The following SGK3 variants were observed in gnomAD, a reference collection of about 807,000 sequenced individuals.
The protein encoded by SGK3 is serum/glucocorticoid regulated kinase family member 3.
Under a neutral mutation model 68.5 loss-of-function variants are expected in SGK3, and 47 were observed. The ratio of observed to expected loss-of-function variants is 0.69; its 90% CI spans 0.54 to 0.87. The LOEUF (loss-of-function observed/expected upper bound fraction) is 0.87, where lower values mean the gene tolerates loss of function less well. Ranked by LOEUF, SGK3 falls within the 40% of genes least tolerant of loss-of-function variation. SGK3 has a pLI of 0.00. For synonymous variants in SGK3, 181 were observed against 189.1 expected, an observed-to-expected ratio of 0.96 and a Z score of 0.35; for missense variants, 479 against 575.5, an observed-to-expected ratio of 0.83 and a Z score of 1.72.
At chr8:66,838,440 G>GT (rs1285281429) in intron 10 of SGK3, among the ~76,000 whole-genome samples, 1 of 152,156 alleles carries the variant, frequency 6.6e-6, no homozygotes, top group African/African-American at 2.4e-5. Flanking sequence ...CGGTGTTCTA[G>GT]TAAGTGTCAG....
At chr8:66,817,944 G>GA (rs1242089623) in intron 5 of SGK3, among the ~76,000 whole-genome samples, 4 of 151,262 alleles carry the variant, frequency 2.6e-5, no homozygotes, top group African/African-American at 9.7e-5. Context: ...CCCCTCTCCA[G>GA]AAAAAAAAGG....
At chr8:66,806,436 C>G (rs1808166892) in intron 4 of SGK3, among the ~76,000 whole-genome samples, 1 of 152,152 alleles carries the variant, frequency 6.6e-6, no homozygotes, top group Non-Finnish European at 1.5e-5. Flanking sequence ...TGAGTTGGCA[C>G]AACAAAGCCA....
At position 66,731,715 on chromosome 8, in the gene SGK3, T is replaced by C. The variant is rs1276931367; in HGVS notation, c.-122+18882T>C. Among the ~76,000 whole-genome samples, 6 of 152,106 alleles carry C rather than the reference T, an allele frequency of 3.9e-5. No homozygotes were observed. The East Asian group carries it at 1.2e-3, about 29-fold the overall frequency. ...ACACCTGGCTAATTTTTTGTATTTTTAGTAGAGACAGGGTTTCACCATGTT... is the reference window on the plus strand; with the variant it reads ...ACACCTGGCTAATTTTTTGTATTTTCAGTAGAGACAGGGTTTCACCATGTT... On this transcript the variant is annotated intron_variant, in intron 1 of 16. Coordinates refer to ENST00000521198, the MANE Select transcript of SGK3 (RefSeq NM_001033578.3).
rs138925287 is a variant in SGK3, at chr8:66,832,989, G to A, written c.525+1678G>A. On this transcript the variant is annotated intron_variant, in intron 8 of 16. Coordinates refer to ENST00000521198, the MANE Select transcript of SGK3 (RefSeq NM_001033578.3). ...TGTATTCACTATTTACACCTTCACA[G>A]ATCTGTTTTTAGAATTTTTTTTTTT... Among the ~76,000 whole-genome samples the A allele has an allele frequency of 6.9e-4, 104 of 151,152 alleles. 1 individual carries two copies. The highest frequency in any genetic ancestry group is 2.4e-3 in the African/African-American group (97 of 41,016).
intron 1 of SGK3, among the ~76,000 whole-genome samples, chr8:66,749,933 G>C (rs1805762269): frequency 3.3e-5 from 2 of 60,734 alleles, no homozygotes; most frequent in South Asian, 1.1e-3. Flanking sequence ...AGTTTCTAGG[G>C]TGTGTGTGTG....
At chr8:66,750,794 C>T (rs749158471) in intron 1 of SGK3, among the ~76,000 whole-genome samples, 1 of 150,766 alleles carries the variant, frequency 6.6e-6, no homozygotes, top group Non-Finnish European at 1.5e-5. Flanking sequence ...TTCTTGAGCC[C>T]AGGAGTTTGA....
chr8:66,844,351 C>T (rs927634120), intron 14 of SGK3, among the ~76,000 whole-genome samples: 4 of 152,120 alleles, frequency 2.6e-5, no homozygotes, highest in African/African-American at 9.7e-5. Flanking sequence ...CCTGAAAACA[C>T]CATGTCTTAA....
chr8:66,720,781 T>TATATATATATA (rs1554590873), intron 1 of SGK3, among the ~76,000 whole-genome samples: 3 of 146,248 alleles, frequency 2.1e-5, no homozygotes, highest in African/African-American at 8.0e-5. Flanking sequence ...AAAAAAAAAA[T>TATATATATATA]TATATATATA....
intron 1 of SGK3, among the ~76,000 whole-genome samples, chr8:66,747,925 C>T (rs1805698261): frequency 1.3e-5 from 2 of 152,244 alleles, no homozygotes; most frequent in South Asian, 2.1e-4. Context: ...AGAACACAAG[C>T]GTTAGTGTTG....
intron 10 of SGK3, among the ~76,000 whole-genome samples, chr8:66,837,833 ATC>A (rs1232770939): frequency 6.6e-6 from 1 of 152,002 alleles, no homozygotes; most frequent in Admixed American, 6.6e-5. Context: ...AAGATTATCC[ATC>A]TCTCAGGCAT....
chr8:66,839,498 G>GATATATATAT (rs58832541), intron 10 of SGK3, among the ~76,000 whole-genome samples: 13 of 41,562 alleles, frequency 3.1e-4, no homozygotes, highest in African/African-American at 4.3e-4. Context: ...TATGTATGGA[G>GATATATATAT]ATATATATAT....
At chr8:66,813,474 T>C (rs1396189449) in intron 4 of SGK3, among the ~76,000 whole-genome samples, 2 of 152,022 alleles carry the variant, frequency 1.3e-5, no homozygotes, top group Non-Finnish European at 2.9e-5. Context: ...TTTTCAGTCA[T>C]CAGTGTCATA....
chr8:66,749,688 A>G lies in SGK3; in HGVS notation c.-122+36855A>G, dbSNP rs1310529131. Among the ~76,000 whole-genome samples, 5 of 152,102 alleles carry G rather than the reference A, an allele frequency of 3.3e-5. 1 individual carries two copies. The highest frequency in any genetic ancestry group is 6.6e-5 in the Admixed American group (1 of 15,224). ...TATCAATTTTAGCAATTTTTCTAGG[A>G]AGAATAGTTTCCTTTTGAAATTAGA... is the stretch of plus-strand genomic sequence containing the variant. On this transcript the variant is annotated intron_variant, in intron 1 of 16. Coordinates refer to ENST00000521198, the MANE Select transcript of SGK3 (RefSeq NM_001033578.3).
intron 1 of SGK3, among the ~76,000 whole-genome samples, chr8:66,751,025 C>T (rs1377332908): frequency 2.0e-5 from 3 of 149,516 alleles, no homozygotes; most frequent in South Asian, 2.1e-4. Context: ...AAAGGCCAGG[C>T]GCGGTGGCTT....
chr8:66,805,648 C>T (rs920011551), intron 4 of SGK3, among the ~76,000 whole-genome samples: 1 of 152,152 alleles, frequency 6.6e-6, no homozygotes, highest in African/African-American at 2.4e-5. Flanking sequence ...CCCCTAGAAC[C>T]CAAGAGATTA....
At chr8:66,844,995 T>A (rs1809948710) in intron 14 of SGK3, among the ~76,000 whole-genome samples, 1 of 152,242 alleles carries the variant, frequency 6.6e-6, no homozygotes, top group South Asian at 2.1e-4. Flanking sequence ...ATCCTTCAAA[T>A]TTATTTAGAG....
intron 4 of SGK3, among the ~76,000 whole-genome samples, chr8:66,811,619 T>C (rs1808386104): frequency 6.6e-6 from 1 of 152,200 alleles, no homozygotes; most frequent in Non-Finnish European, 1.5e-5. Flanking sequence ...TAGTCAGTAA[T>C]GAAATGGCAA....
At position 66,723,440 on chromosome 8, in the gene SGK3, G is replaced by A. The variant is rs193139706; in HGVS notation, c.-122+10607G>A. 6.0e-3 allele frequency among the ~76,000 whole-genome samples: 907 copies of A among 151,436 alleles called. 14 individuals are homozygous for A. Among genetic ancestry groups the A allele is most frequent in the Admixed American group, 0.033 (501 of 15,146 alleles). Reference sequence around the variant, plus strand: ...GCCTGGGCAACAAGAGTGAAACTCCGTCTCAGAAAGAAAAGAAAAAAGAAA... The same window carrying A: ...GCCTGGGCAACAAGAGTGAAACTCCATCTCAGAAAGAAAAGAAAAAAGAAA... On this transcript the variant is annotated intron_variant, in intron 1 of 16. Transcript: ENST00000521198.
At chr8:66,858,645 C>T (rs1810622892) in intron 16 of SGK3, among the ~76,000 whole-genome samples, 1 of 152,034 alleles carries the variant, frequency 6.6e-6, no homozygotes, top group Non-Finnish European at 1.5e-5. Context: ...GTCTCCTCCC[C>T]CAACTCAAAA....
Sources: gnomAD v4.1 joint callset for allele counts (sites outside exome capture counted in the v4.1 genomes callset) on GRCh38, gnomAD v4.1.1 for gene constraint, MANE v1.5 for transcripts, NCBI Gene and HGNC (gene_info 2026-07-23, HGNC 2026-07-21) for gene names.